The following PORCN variants were observed in gnomAD, a reference collection of about 807,000 sequenced individuals.
PORCN encodes the protein protein-serine O-palmitoleoyltransferase porcupine.
In PORCN, 1 loss-of-function variant was observed where a neutral mutation model predicts 43.0. The observed-to-expected ratio is 0.02, with a 90% CI of 0.01 to 0.11. The LOEUF (loss-of-function observed/expected upper bound fraction) is 0.11. Among genes scored for constraint, PORCN ranks in the 10% least tolerant of loss-of-function variants. The probability of loss-of-function intolerance (pLI) is 1.00; values close to 1 mark genes in which losing one functional copy is unlikely to be tolerated. For missense variants in PORCN, 240 were observed against 392.1 expected (o/e 0.61, Z 3.28); for synonymous variants, 148 against 166.4 (o/e 0.89, Z 0.85).
chrX:48,509,517 G>A, intron 1 of PORCN: 4 of 1,037,695 alleles, frequency 3.9e-6, no homozygotes, highest in Non-Finnish European at 5.0e-6. Context: ...ATCACCATCG[G>A]ACTGGACTGT....
At chrX:48,512,044 C>A (rs1294725759) in intron 4 of PORCN, 109 bp downstream of exon 4, 2 of 651,194 alleles carry the variant, frequency 3.1e-6, no homozygotes, top group African/African-American at 2.2e-5. Context: ...CTCACCTGCC[C>A]ACCCCACTGG....
At chrX:48,518,841 G>T (rs1282986275) in intron 14 of PORCN, among the ~76,000 whole-genome samples, 1 of 107,855 alleles carries the variant, frequency 9.3e-6, no homozygotes, top group Non-Finnish European at 1.9e-5. Flanking sequence ...TTGAGACACG[G>T]TCTCACTCTG....
rs2061711476 is a variant in PORCN, at chrX:48,515,753, C to T, written c.983C>T (p.Ser328Leu). The T allele has an allele frequency of 4.2e-6, 5 of 1,202,814 alleles. No homozygotes were observed. The highest frequency in any genetic ancestry group is 5.6e-6 in the Non-Finnish European group (5 of 890,935). ...AATGCTCTCCGCCTGGGGACCTTCT[C>T]GGCTGTGCTGGTCACCTATGCAGCC... is the stretch of plus-strand genomic sequence containing the variant. ...FKNALRLGTF[S>L]AVLVTYAASA... Residue 328 changes from serine (S) to leucine (L), a missense_variant, in exon 11 of 15, where the codon TCG (serine) becomes TTG (leucine). By Grantham distance (145) the Ser-to-Leu change is moderately radical. Transcript: ENST00000326194.
chrX:48,514,760 G>C (rs2061703289), intron 10 of PORCN, 135 bp downstream of exon 10: 2 of 536,045 alleles, frequency 3.7e-6, no homozygotes, highest in Admixed American at 5.3e-5. Context: ...GTTCTCCTGG[G>C]GGGGCAGATG....
In PORCN at chrX:48,514,255, C is replaced by T; in HGVS notation, c.735C>T (p.Tyr245=). The T allele has an allele frequency of 8.3e-7, 1 of 1,211,907 alleles. No homozygotes were observed. The change falls in exon 9 of 15, where the codon TAC becomes TAT. Residue 245 remains tyrosine (Y), a synonymous_variant. Coordinates refer to ENST00000326194, the MANE Select transcript of PORCN (RefSeq NM_203475.3). ...TTCTCCCCAGGTGGCTGCGAGCCTA[C>T]GAGAGTGCTGTCTCCTTCCACTTCA... ...RGTMVRWLRA[Y]ESAVSFHFSN...
rs1479422790 is a variant in PORCN at position 48,511,291 on chromosome X, A to T, written c.137-4A>T. On this transcript the variant is annotated splice_polypyrimidine_tract_variant and splice_region_variant and intron_variant, in intron 2 of 14. Coordinates refer to ENST00000326194, the MANE Select transcript of PORCN (RefSeq NM_203475.3). ...CTCCCTTTCTTTCTCCCTTTCACCC[A>T]AAGGGTTGCCATCCTACCTGAAGCA... 24 of 1,191,220 alleles carry T rather than the reference A, an allele frequency of 2.0e-5. No homozygotes were observed. The highest frequency in any genetic ancestry group is 2.6e-5 in the Non-Finnish European group (23 of 885,191).
At chrX:48,515,487 C>T in intron 10 of PORCN, 1 of 441,935 alleles carries the variant, frequency 2.3e-6, no homozygotes, top group South Asian at 3.3e-5. Context: ...CAGGTTTTTG[C>T]CCTGAGGAAC....
chrX:48,520,621 C>A lies in PORCN; in HGVS notation c.*145C>A. On this transcript the variant is annotated 3_prime_UTR_variant, in exon 15 of 15. Transcript: ENST00000326194. The stretch of plus-strand genomic sequence containing the variant: ...CAACACACACACACACACACACACA[C>A]AAAATCACACCATTTTCATGCCTGT... 4.2e-6 allele frequency: 2 copies of A among 480,503 alleles called. No individual in the cohort carries two copies. The highest frequency in any genetic ancestry group is 7.5e-6 in the Non-Finnish European group (2 of 268,058). The allele number at this position is 480,503 out of a possible 1,213,427, so 39.6% of individuals were successfully genotyped here.
intron 2 of PORCN, among the ~76,000 whole-genome samples, chrX:48,510,546 C>T (rs962833480): frequency 8.9e-6 from 1 of 112,022 alleles, no homozygotes; most frequent in South Asian, 3.7e-4. Flanking sequence ...TTCTGGAAAT[C>T]TGAGATCCGA....
Position 48,512,392 on chromosome X carries a change from G to A in PORCN, c.440G>A (p.Gly147Asp), listed in dbSNP as rs1202991912. The change falls in exon 5 of 15, where the codon GGT (glycine) becomes GAT (aspartate). Residue 147 changes from glycine (G) to aspartate (D), a missense_variant. Coordinates refer to ENST00000326194, the MANE Select transcript of PORCN (RefSeq NM_203475.3). ...TTCGACCTGGACCGGGGCGAGGTGG[G>A]TACGGTGCCCTCGCCAGTGGAGTTC... ...LGFDLDRGEV[G>D]TVPSPVEFMG... is the part of the protein sequence containing the mutation. 4 of 1,210,059 alleles carry A rather than the reference G, an allele frequency of 3.3e-6. No homozygotes were observed. Among genetic ancestry groups the A allele is most frequent in the East Asian group, 3.0e-5 (1 of 33,745 alleles).
chrX:48,512,882 G>A lies in PORCN; in HGVS notation c.704+30G>A, dbSNP rs781838126. 4.1e-6 allele frequency: 5 copies of A among 1,210,283 alleles called. No individual in the cohort carries two copies. The East Asian group carries it at 8.9e-5, about 21-fold the overall frequency. ...ATGAGGGCAGGTGTGAGGGCACGTG[G>A]AGTGGGGCTGACATGAGTGGGGGCA... On this transcript the variant is annotated intron_variant, in intron 7 of 14. Transcript: ENST00000326194.
chrX:48,514,447 G>A, intron 9 of PORCN, 78 bp from the exon 10 acceptor site: 2 of 1,186,989 alleles, frequency 1.7e-6, no homozygotes, highest in Non-Finnish European at 2.3e-6. Flanking sequence ...TCCCAGGGGA[G>A]GGAACGGCCA....
At position 48,514,315 on chromosome X, in the gene PORCN, G is replaced by A. The variant is rs781949383; in HGVS notation, c.795G>A (p.Thr265=). 2.6e-5 allele frequency: 31 copies of A among 1,210,347 alleles called. No individual in the cohort carries two copies. The highest frequency in any genetic ancestry group is 3.1e-5 in the Non-Finnish European group (28 of 895,204). ...TTGTGGGCTTTCTTTCCGAGGCCACGGCCACGTTGGCGGGGGCTGGCTTTA... is the reference window on the plus strand; with the variant it reads ...TTGTGGGCTTTCTTTCCGAGGCCACAGCCACGTTGGCGGGGGCTGGCTTTA... ...NYFVGFLSEA[T]ATLAGAGFTE... The change falls in exon 9 of 15, where the codon ACG becomes ACA. Residue 265 remains threonine (T), a synonymous_variant. Transcript: ENST00000326194.
chrX:48,520,515 T>G lies in PORCN; in HGVS notation c.*39T>G, dbSNP rs782250699. On this transcript the variant is annotated 3_prime_UTR_variant, in exon 15 of 15. Transcript: ENST00000326194. Reference sequence around the variant, plus strand: ...ACCCTCATAACCCTCTTAAGACCCCTCTCAGGGTGCCACTGATGGGGGATG... The same window carrying G: ...ACCCTCATAACCCTCTTAAGACCCCGCTCAGGGTGCCACTGATGGGGGATG... The G allele has an allele frequency of 9.6e-7, 1 of 1,044,633 alleles. No homozygotes were observed. Among genetic ancestry groups the G allele is most frequent in the African/African-American group, 1.8e-5 (1 of 54,471 alleles). The allele number at this position is 1,044,633 out of a possible 1,213,427, so 86.1% of individuals were successfully genotyped here.
At position 48,520,500 on chromosome X, in the gene PORCN, C is replaced by A. The variant is rs782558822; in HGVS notation, c.*24C>A. 8 of 1,117,045 alleles carry A rather than the reference C, an allele frequency of 7.2e-6. No individual in the cohort carries two copies. In the East Asian group the frequency reaches 2.4e-4, roughly 34 times the overall value. The allele number at this position is 1,117,045 out of a possible 1,213,427, so 92.1% of individuals were successfully genotyped here. Reference sequence around the variant, plus strand: ...GAGGCACATCTGTGGACCCTCATAACCCTCTTAAGACCCCTCTCAGGGTGC... The same window carrying A: ...GAGGCACATCTGTGGACCCTCATAAACCTCTTAAGACCCCTCTCAGGGTGC... On this transcript the variant is annotated 3_prime_UTR_variant, in exon 15 of 15. Transcript: ENST00000326194.
chrX:48,519,209 A>G (rs958130363), intron 14 of PORCN, among the ~76,000 whole-genome samples: 1 of 111,362 alleles, frequency 9.0e-6, no homozygotes, highest in Admixed American at 9.6e-5. Context: ...CACTCACCTC[A>G]GCCTCCCAAA....
intron 14 of PORCN, among the ~76,000 whole-genome samples, chrX:48,518,403 T>A (rs1333648142): frequency 1.8e-5 from 2 of 110,514 alleles, no homozygotes; most frequent in Non-Finnish European, 3.8e-5. Context: ...GTACTTTTAG[T>A]AGAGATGGGA....
At chrX:48,511,737 G>C (rs1343423114) in intron 3 of PORCN, among the ~76,000 whole-genome samples, 155 bp from the exon 4 acceptor site, 1 of 110,988 alleles carries the variant, frequency 9.0e-6, no homozygotes, top group Non-Finnish European at 1.9e-5. Context: ...GGCTCCCCCT[G>C]GAGGAGGGAG....
chrX:48,517,676 A>G (rs1415005111), intron 14 of PORCN, among the ~76,000 whole-genome samples: 1 of 110,669 alleles, frequency 9.0e-6, no homozygotes, highest in Non-Finnish European at 1.9e-5. Context: ...AAAATTAGCC[A>G]GGCGTGATAG....
Sources: gnomAD v4.1 joint callset for allele counts (sites outside exome capture counted in the v4.1 genomes callset) on GRCh38, gnomAD v4.1.1 for gene constraint, MANE v1.5 for transcripts, NCBI Gene and HGNC (gene_info 2026-07-23, HGNC 2026-07-21) for gene names.